The following DLG2 variants were observed in gnomAD, a reference collection of about 807,000 sequenced individuals.
The protein encoded by DLG2 is disks large homolog 2.
Under a neutral mutation model 132.5 loss-of-function variants are expected in DLG2, and 45 were observed. The ratio of observed to expected loss-of-function variants is 0.34; its 90% CI spans 0.27 to 0.44. The LOEUF (loss-of-function observed/expected upper bound fraction) is 0.44. Ranked by LOEUF, DLG2 falls within the 20% of genes least tolerant of loss-of-function variation. DLG2 has a pLI of 1.00. For synonymous variants in DLG2, 424 were observed against 419.6 expected, an observed-to-expected ratio of 1.01 and a Z score of -0.13; for missense variants, 1,045 against 1,196.9, an observed-to-expected ratio of 0.87 and a Z score of 1.87.
chr11:85,362,167 G>C (rs1316920818), intron 3 of DLG2, among the ~76,000 whole-genome samples: 1 of 152,080 alleles, frequency 6.6e-6, no homozygotes, highest in East Asian at 1.9e-4. Context: ...TGTTGCCCAG[G>C]CTGGTCTTGA....
chr11:83,621,845 G>C (rs1382359080), intron 19 of DLG2, among the ~76,000 whole-genome samples: 1 of 152,022 alleles, frequency 6.6e-6, no homozygotes. Flanking sequence ...ATGGGTATGA[G>C]ACCTGTGTTC....
chr11:83,898,391 G>A (rs1209736929), intron 15 of DLG2, among the ~76,000 whole-genome samples: 3 of 151,938 alleles, frequency 2.0e-5, no homozygotes, highest in South Asian at 2.1e-4. Flanking sequence ...AATACTTTGT[G>A]TCTAAAATTG....
At position 84,891,518 on chromosome 11, in the gene DLG2, A is replaced by C. The variant is rs184423065; in HGVS notation, c.357+220143T>G. ...CCCTATATATGTGGAAAAATATGAC[A>C]GGAAATTAATGAATGAAGAGGGTTT... On this transcript the variant is annotated intron_variant, in intron 6 of 27. Coordinates refer to ENST00000376104, the MANE Select transcript of DLG2 (RefSeq NM_001142699.3). Among the ~76,000 whole-genome samples the C allele has an allele frequency of 6.8e-4, 104 of 152,330 alleles. No individual in the cohort carries two copies. In the East Asian group the frequency reaches 0.011, roughly 16 times the overall value.
intron 3 of DLG2, among the ~76,000 whole-genome samples, chr11:85,386,891 CT>C (rs932998754): frequency 7.0e-5 from 10 of 143,650 alleles, no homozygotes; most frequent in South Asian, 2.2e-4. Flanking sequence ...AATATCCTTT[CT>C]TTTTTTTTTC....
intron 6 of DLG2, among the ~76,000 whole-genome samples, chr11:84,627,029 G>C (rs559198828): frequency 6.6e-6 from 1 of 151,816 alleles, no homozygotes; most frequent in South Asian, 2.1e-4. Context: ...CCGCCACCAC[G>C]CCCGCTAATT....
intron 18 of DLG2, among the ~76,000 whole-genome samples, chr11:83,752,747 A>T (rs1034214333): frequency 6.6e-6 from 1 of 152,220 alleles, no homozygotes; most frequent in African/African-American, 2.4e-5. Context: ...GAAAATGTTG[A>T]TAATGCCAAA....
At chr11:83,503,818 C>G (rs2094567421) in intron 21 of DLG2, among the ~76,000 whole-genome samples, 1 of 152,094 alleles carries the variant, frequency 6.6e-6, no homozygotes, top group Non-Finnish European at 1.5e-5. Context: ...ATCCTTCCAC[C>G]CAATCAAGTT....
intron 6 of DLG2, among the ~76,000 whole-genome samples, chr11:85,006,619 CTTCT>C (rs1196456553): frequency 1.3e-5 from 2 of 151,880 alleles, no homozygotes; most frequent in African/African-American, 4.8e-5. Flanking sequence ...TCTCTCTTTT[CTTCT>C]TTATTAGTCT....
chr11:84,008,923 GTT>G (rs548165150), intron 11 of DLG2, among the ~76,000 whole-genome samples: 42 of 138,676 alleles, frequency 3.0e-4, no homozygotes, highest in African/African-American at 1.0e-3. Context: ...ATTTTTTCTT[GTT>G]TTTTTTTTTT....
At chr11:84,249,129 G>C (rs914546082) in intron 8 of DLG2, among the ~76,000 whole-genome samples, 2 of 152,152 alleles carry the variant, frequency 1.3e-5, no homozygotes, top group Non-Finnish European at 2.9e-5. Context: ...AAATAATTTA[G>C]ATCCACCACA....
intron 6 of DLG2, among the ~76,000 whole-genome samples, chr11:84,769,965 G>A (rs1482224806): frequency 2.0e-5 from 3 of 152,072 alleles, no homozygotes; most frequent in African/African-American, 4.8e-5. Context: ...AAGAGATCTC[G>A]GTATAGTTCA....
chr11:85,113,802 C>T (rs1036143510), intron 5 of DLG2, among the ~76,000 whole-genome samples: 2 of 151,962 alleles, frequency 1.3e-5, no homozygotes, highest in African/African-American at 4.8e-5. Flanking sequence ...AGATCTTTCC[C>T]AAACTTTATA....
chr11:84,721,369 G>A (rs117447317), intron 6 of DLG2, among the ~76,000 whole-genome samples: 2 of 152,246 alleles, frequency 1.3e-5, no homozygotes, highest in South Asian at 2.1e-4. Flanking sequence ...CATAACATTT[G>A]TCAAACTCAA....
Position 83,469,278 on chromosome 11 carries a change from T to G in DLG2, c.2542A>C (p.Lys848Gln). ...EQMEKDIQEH[K>Q]FIEAGQYNDN... ...TTGTACTGGCCGGCTTCTATAAACT[T>G]GTGCTCTTGGATATCTTTCTCCATT... Residue 848 changes from lysine (K) to glutamine (Q), a missense_variant, in exon 25 of 28, where the codon AAG becomes CAG. Physicochemically the swap from Lys to Gln is moderately conservative, Grantham distance 53. Around this residue, in one of 4 missense-constraint regions of DLG2, gnomAD observed 398 missense variants for 543.6 expected, o/e 0.73. Coordinates refer to ENST00000376104, the MANE Select transcript of DLG2 (RefSeq NM_001142699.3). 1 of 1,613,880 alleles carries G rather than the reference T, an allele frequency of 6.2e-7. No homozygotes were observed. Among genetic ancestry groups the G allele is most frequent in the African/African-American group, 1.3e-5 (1 of 75,032 alleles).
chr11:84,683,601 C>T (rs2099735446), intron 6 of DLG2, among the ~76,000 whole-genome samples: 1 of 152,130 alleles, frequency 6.6e-6, no homozygotes, highest in Admixed American at 6.5e-5. Context: ...TCATCAGCCT[C>T]CAAATGACAC....
intron 15 of DLG2, among the ~76,000 whole-genome samples, chr11:83,918,875 C>T (rs907753642): frequency 6.6e-6 from 1 of 152,018 alleles, no homozygotes; most frequent in Non-Finnish European, 1.5e-5. Flanking sequence ...AAATTGAAGG[C>T]TTCTCATCTT....
At chr11:85,539,238 G>C (rs547862930) in intron 3 of DLG2, among the ~76,000 whole-genome samples, 2 of 149,722 alleles carry the variant, frequency 1.3e-5, no homozygotes, top group Non-Finnish European at 2.9e-5. Flanking sequence ...TAGACTGCTC[G>C]GTCATCCTGA....
intron 7 of DLG2, among the ~76,000 whole-genome samples, chr11:84,434,357 TGA>T (rs2098994162): frequency 6.6e-6 from 1 of 152,098 alleles, no homozygotes; most frequent in Non-Finnish European, 1.5e-5. Flanking sequence ...TAAGAAAAGA[TGA>T]GTAACCTTAT....
chr11:84,618,188 G>A (rs1275476394), intron 6 of DLG2, among the ~76,000 whole-genome samples: 1 of 152,016 alleles, frequency 6.6e-6, no homozygotes. Context: ...GTAAGTAGAA[G>A]GAAAGGAGCT....
Sources: allele counts gnomAD v4.1 joint callset (sites outside exome capture counted in the v4.1 genomes callset), GRCh38; gene constraint gnomAD v4.1.1; regional missense constraint gnomAD v4.1.1; transcripts MANE v1.5; gene names NCBI Gene and HGNC (gene_info 2026-07-23, HGNC 2026-07-21).